MYBBP1A: variants seen among roughly 807,000 people sequenced by gnomAD.
MYBBP1A encodes the protein MYB binding protein 1a.
A neutral mutation model predicts 136.3 loss-of-function variants in MYBBP1A; 147 were observed. The ratio of observed to expected loss-of-function variants is 1.08; its 90% CI spans 0.94 to 1.24. MYBBP1A has a LOEUF of 1.24. Among genes scored for constraint, MYBBP1A ranks in the 50% most tolerant of loss-of-function variants. The pLI, the probability that MYBBP1A is intolerant of heterozygous loss-of-function variation, is 0.00. For missense variants in MYBBP1A, 2,060 were observed against 1,727.4 expected, an observed-to-expected ratio of 1.19 and a Z score of -3.41; for synonymous variants, 947 against 735.8, an observed-to-expected ratio of 1.29 and a Z score of -4.65.
Position 4,541,571 on chromosome 17 carries a change from A to T in MYBBP1A, c.3196-7T>A. The T allele has an allele frequency of 2.5e-6, 4 of 1,611,062 alleles. No individual in the cohort carries two copies. The highest frequency in any genetic ancestry group is 3.4e-6 in the Non-Finnish European group (4 of 1,179,830). ...CCCCCAGCACGCGCAAGTTCTAGGG[A>T]AGGGTGGCCAGGCTGAGGCACTCCG... On this transcript the variant is annotated splice_polypyrimidine_tract_variant and splice_region_variant and intron_variant, in intron 23 of 25. Coordinates refer to ENST00000254718, the MANE Select transcript of MYBBP1A (RefSeq NM_014520.4).
intron 19 of MYBBP1A, 133 bp from the exon 20 acceptor site, chr17:4,543,298 AGAG>A (rs1308338679): frequency 1.5e-6 from 2 of 1,294,744 alleles, no homozygotes; most frequent in African/African-American, 1.5e-5. Flanking sequence ...CCCAGGCCAC[AGAG>A]GAGGGCCCAG....
At chr17:4,542,199 C>T (rs1906497099) in intron 22 of MYBBP1A, 3 of 584,690 alleles carry the variant, frequency 5.1e-6, no homozygotes, top group Non-Finnish European at 9.0e-6. Context: ...CAGGGGCATC[C>T]TGTGTGTGGC....
intron 8 of MYBBP1A, among the ~76,000 whole-genome samples, chr17:4,551,217 C>A (rs953293972): frequency 1.3e-5 from 2 of 152,232 alleles, no homozygotes; most frequent in African/African-American, 4.8e-5. Context: ...AAACTCACTG[C>A]AAAGATAAAA....
At position 4,555,234 on chromosome 17, in the gene MYBBP1A, G is replaced by T; in HGVS notation, c.91C>A (p.His31Asn). The T allele has an allele frequency of 1.2e-6, 2 of 1,612,412 alleles. No homozygotes were observed. Among genetic ancestry groups the T allele is most frequent in the Non-Finnish European group, 1.7e-6 (2 of 1,179,680 alleles). The change falls in exon 1 of 26, where the codon CAC (histidine) becomes AAC (asparagine). Residue 31 changes from histidine to asparagine, a missense_variant. Physicochemically the swap from His to Asn is moderately conservative, Grantham distance 68 (BLOSUM62 1). Transcript: ENST00000254718. Reference protein sequence around the residue: ...RPADRYGLLKHSREFLDFFWD... With the variant: ...RPADRYGLLKNSREFLDFFWD... ...AAGAAGTCCAAGAACTCGCGACTGT[G>T]CTTCAATAGGCCATAGCGGTCGGCA...
chr17:4,544,158 C>T (rs919637666), intron 19 of MYBBP1A, among the ~76,000 whole-genome samples: 3 of 151,374 alleles, frequency 2.0e-5, no homozygotes, highest in Non-Finnish European at 2.9e-5. Flanking sequence ...CACCCCAGCA[C>T]AGCCCCACTT....
chr17:4,542,589 G>C (rs1906551655), intron 21 of MYBBP1A, 27 bp downstream of exon 21: 1 of 1,613,546 alleles, frequency 6.2e-7, no homozygotes, highest in Non-Finnish European at 8.5e-7. Flanking sequence ...GGGACCATGA[G>C]GAAGCAGGGC....
Position 4,544,644 on chromosome 17 carries a change from C to A in MYBBP1A, c.2484G>T (p.Val828=). 6.4e-7 allele frequency: 1 copy of A among 1,574,432 alleles called. No individual in the cohort carries two copies. Among genetic ancestry groups the A allele is most frequent in the Middle Eastern group, 1.7e-4 (1 of 5,890 alleles). Residue 828 remains valine (V), a splice_region_variant and synonymous_variant, in exon 19 of 26, where the codon GTG becomes GTT. Transcript: ENST00000254718. ...TCACTAGCACCTCCACCAGGTCCAGCACCTGCAGCCAGGAGGGCAGGTCAG... is the reference window on the plus strand; with the variant it reads ...TCACTAGCACCTCCACCAGGTCCAGAACCTGCAGCCAGGAGGGCAGGTCAG... ...KALRRDFQIR[V]LDLVEVLVTK...
chr17:4,551,861 C>T lies in MYBBP1A; in HGVS notation c.1023+19G>A, dbSNP rs777265637. 2.2e-5 allele frequency: 36 copies of T among 1,603,908 alleles called. No homozygotes were observed. The highest frequency in any genetic ancestry group is 3.1e-5 in the Non-Finnish European group (36 of 1,172,082). On this transcript the variant is annotated intron_variant, in intron 8 of 25. Transcript: ENST00000254718. ...GTCTAGCCTTTCTGGCAGTGTCGAG[C>T]TGCACGGGCATTACCCACCTTAGCA...
In MYBBP1A at chr17:4,553,326, C is replaced by T. The variant is rs1907701063; in HGVS notation, c.561+484G>A. ...AAAAGGGCCTAGGGTGCTACCTTCC[C>T]AAGTAGGGCAGTGGAGGCCCACAAG... On this transcript the variant is annotated intron_variant, in intron 5 of 25. Coordinates refer to ENST00000254718, the MANE Select transcript of MYBBP1A (RefSeq NM_014520.4). Among the ~76,000 whole-genome samples, 3 of 152,210 alleles carry T rather than the reference C, an allele frequency of 2.0e-5. No individual in the cohort carries two copies. The South Asian group carries it at 6.2e-4, about 32-fold the overall frequency.
intron 22 of MYBBP1A, 168 bp downstream of exon 22, chr17:4,542,296 G>A (rs538170827): frequency 6.8e-5 from 52 of 766,182 alleles, no homozygotes; most frequent in East Asian, 1.6e-4. Flanking sequence ...GCCAGGGCAC[G>A]GCCACCCCCT....
At position 4,540,294 on chromosome 17, in the gene MYBBP1A, G is replaced by A. The variant is rs547616237; in HGVS notation, c.3434+54C>T. The stretch of plus-strand genomic sequence containing the variant: ...GCAGCGTGTGTGTGTGTGCAGCAGC[G>A]TGAGGGTGTTCCCAGCCCCTACCCA... On this transcript the variant is annotated intron_variant, in intron 25 of 25. Transcript: ENST00000254718. 741 of 1,550,708 alleles carry A rather than the reference G, an allele frequency of 4.8e-4. 6 individuals are homozygous for A. In the South Asian group the frequency reaches 8.3e-3, roughly 17 times the overall value.
chr17:4,554,078 C>T lies in MYBBP1A; in HGVS notation c.394G>A (p.Ala132Thr), dbSNP rs368449235. Reference sequence around the variant, plus strand: ...ACTCCAAACAGGTTTGCAAAGAGAGCAGGTCTCAGCATTGCCTAGAAAAGG... The same window carrying T: ...ACTCCAAACAGGTTTGCAAAGAGAGTAGGTCTCAGCATTGCCTAGAAAAGG... The part of the protein sequence containing the change: ...HQVKKAMLRP[A>T]LFANLFGVLA... The change falls in exon 4 of 26, where the codon GCT becomes ACT. Residue 132 changes from alanine to threonine, a missense_variant. Transcript: ENST00000254718. The T allele has an allele frequency of 6.2e-7, 1 of 1,613,926 alleles. No individual in the cohort carries two copies. Among genetic ancestry groups the T allele is most frequent in the African/African-American group, 1.3e-5 (1 of 74,928 alleles).
In MYBBP1A at chr17:4,555,183, C is replaced by T. The variant is rs1385267906; in HGVS notation, c.142G>A (p.Glu48Lys). The T allele has an allele frequency of 1.2e-6, 2 of 1,607,402 alleles. No individual in the cohort carries two copies. The highest frequency in any genetic ancestry group is 1.7e-6 in the Non-Finnish European group (2 of 1,177,254). The change falls in exon 1 of 26, where the codon GAG becomes AAG. Residue 48 changes from glutamate (E) to lysine (K), a missense_variant. By Grantham distance (56) the Glu-to-Lys change is moderately conservative. Transcript: ENST00000254718. Reference sequence around the variant, plus strand: ...TTCTCCGTGGCCGCAAGTCGCGTCTCCTGCTCAGGCTTCGCAATGTCCCAG... The same window carrying T: ...TTCTCCGTGGCCGCAAGTCGCGTCTTCTGCTCAGGCTTCGCAATGTCCCAG... ...FFWDIAKPEQ[E>K]TRLAATEKLL...
At chr17:4,546,912 CTTTT>C (rs750174532) in intron 13 of MYBBP1A, among the ~76,000 whole-genome samples, 19 of 136,788 alleles carry the variant, frequency 1.4e-4, no homozygotes, top group Middle Eastern at 3.7e-3. Context: ...TGGGCTGCAC[CTTTT>C]TTTTTTTTTT....
Position 4,555,267 on chromosome 17 carries a change from C to T in MYBBP1A, c.58G>A (p.Ala20Thr), listed in dbSNP as rs906474478. The change falls in exon 1 of 26, where the codon GCC (alanine) becomes ACC (threonine). Residue 20 changes from alanine to threonine, a missense_variant. Ala to Thr is a moderately conservative substitution (Grantham distance 58). Coordinates refer to ENST00000254718, the MANE Select transcript of MYBBP1A (RefSeq NM_014520.4). ...AGGCCATAGCGGTCGGCAGGCCGGG[C>T]GCCACTCTGCGTCGCTTCTCCAGGC... ...MSPGEATQSG[A>T]RPADRYGLLK... is the part of the protein sequence containing the mutation. 5 of 1,611,194 alleles carry T rather than the reference C, an allele frequency of 3.1e-6. No individual in the cohort carries two copies. Among genetic ancestry groups the T allele is most frequent in the African/African-American group, 1.3e-5 (1 of 74,938 alleles).
At position 4,548,275 on chromosome 17, in the gene MYBBP1A, G is replaced by T; in HGVS notation, c.1592C>A (p.Ala531Glu). The change falls in exon 12 of 26, where the codon GCA becomes GAA. Residue 531 changes from alanine (A) to glutamate (E), a missense_variant. Physicochemically the swap from Ala to Glu is moderately radical, Grantham distance 107. Transcript: ENST00000254718. This position sits in a 1 kb window ranked among gnomAD's most constrained non-coding sequence, Gnocchi z 4.2. Reference sequence around the variant, plus strand: ...CTGCCCACCCTGGGTCTGGCCCGGTGCCTGCTTGAACTGCGTGCTGAGGGT... The same window carrying T: ...CTGCCCACCCTGGGTCTGGCCCGGTTCCTGCTTGAACTGCGTGCTGAGGGT... The part of the protein sequence containing the change: ...LQTLSTQFKQ[A>E]PGQTQGGQPW... 6.2e-7 allele frequency: 1 copy of T among 1,612,542 alleles called. No homozygotes were observed. Among genetic ancestry groups the T allele is most frequent in the Non-Finnish European group, 8.5e-7 (1 of 1,180,006 alleles).
At position 4,539,549 on chromosome 17, in the gene MYBBP1A, C is replaced by T. The variant is rs1906154423; in HGVS notation, c.3853G>A (p.Gly1285Arg). The T allele has an allele frequency of 1.2e-6, 2 of 1,614,146 alleles. No individual in the cohort carries two copies. The highest frequency in any genetic ancestry group is 1.7e-6 in the Non-Finnish European group (2 of 1,180,026). The stretch of plus-strand genomic sequence containing the variant: ...GACAGTGGTGATTTGCCCAAGACCC[C>T]CTTTTTGGGAAGAGCCTTCTGATGC... ...KQHQKALPKK[G>R]VLGKSPLSAL... is the part of the protein sequence containing the mutation. Residue 1285 changes from glycine (G) to arginine (R), a missense_variant, in exon 26 of 26, where the codon GGG (glycine) becomes AGG (arginine). Gly to Arg is a moderately radical substitution (Grantham distance 125, BLOSUM62 -2). Coordinates refer to ENST00000254718, the MANE Select transcript of MYBBP1A (RefSeq NM_014520.4).
At chr17:4,553,259 C>T (rs1907695526) in intron 5 of MYBBP1A, among the ~76,000 whole-genome samples, 1 of 152,250 alleles carries the variant, frequency 6.6e-6, no homozygotes, top group Admixed American at 6.5e-5. Flanking sequence ...ACAGTAAGCC[C>T]TGGCCTGGAG....
chr17:4,551,836 G>A (rs200284837), intron 8 of MYBBP1A, 44 bp downstream of exon 8: 29 of 1,562,734 alleles, frequency 1.9e-5, no homozygotes, highest in Admixed American at 1.2e-4. Flanking sequence ...AGAGCTCCAC[G>A]TCTAGCCTTT....
Sources: allele counts gnomAD v4.1 joint callset (sites outside exome capture counted in the v4.1 genomes callset), GRCh38; gene constraint gnomAD v4.1.1; non-coding constraint Gnocchi (gnomAD v3.1); transcripts MANE v1.5; gene names NCBI Gene and HGNC (gene_info 2026-07-23, HGNC 2026-07-21).